STK33: variants seen among roughly 807,000 people sequenced by gnomAD.
The protein encoded by STK33 is serine/threonine-protein kinase 33.
Under a neutral mutation model 58.0 loss-of-function variants are expected in STK33, and 52 were observed. That is an observed-to-expected ratio of 0.90 (90% CI 0.72 to 1.13). The LOEUF is 1.13. Among genes scored for constraint, STK33 ranks in the 50% most tolerant of loss-of-function variants. STK33 has a pLI of 0.00. For missense variants in STK33, 630 were observed against 604.2 expected (o/e 1.04, Z -0.45); for synonymous variants, 215 against 200.1 (o/e 1.07, Z -0.63).
At chr11:8,576,718 G>A (rs1958211920) in intron 1 of STK33, among the ~76,000 whole-genome samples, 1 of 152,122 alleles carries the variant, frequency 6.6e-6, no homozygotes, top group Non-Finnish European at 1.5e-5. Context: ...TACAGATCAT[G>A]AAACAAGACA....
chr11:8,543,563 A>T (rs1955683898), intron 1 of STK33, among the ~76,000 whole-genome samples: 1 of 152,150 alleles, frequency 6.6e-6, no homozygotes, highest in Admixed American at 6.5e-5. Context: ...GAACTCATAG[A>T]TGTAGAAAGT....
In STK33 at chr11:8,486,118, ATCTCCATAC is replaced by A. The variant is rs551867286; in HGVS notation, c.-465-5513_-465-5505del. 1.2e-3 allele frequency among the ~76,000 whole-genome samples: 190 copies of A among 152,170 alleles called. 1 individual carries two copies. In the South Asian group the frequency reaches 0.015, roughly 12 times the overall value. On this transcript the variant is annotated intron_variant, in intron 1 of 15. Transcript: ENST00000687296. The stretch of plus-strand genomic sequence containing the variant: ...AACCTGACTCCAACTAAGCCATCTG[ATCTCCATAC>A]TCTCAAAGCTTTCTCCATACTCTAG...
At chr11:8,536,845 G>GA (rs1955044754) in intron 1 of STK33, among the ~76,000 whole-genome samples, 1 of 145,264 alleles carries the variant, frequency 6.9e-6, no homozygotes. Context: ...ATGGCATGAT[G>GA]ATCATAGCTC....
chr11:8,483,573 T>G (rs1409697798), intron 1 of STK33, among the ~76,000 whole-genome samples: 1 of 151,852 alleles, frequency 6.6e-6, no homozygotes, highest in Non-Finnish European at 1.5e-5. Flanking sequence ...GAACAGAGAG[T>G]GGCCACCAAA....
the STK33 span, among the ~76,000 whole-genome samples, chr11:8,371,236 TG>T: frequency 2.0e-5 from 3 of 151,456 alleles, no homozygotes; most frequent in African/African-American, 7.3e-5. Flanking sequence ...AGATTTAGGG[TG>T]GGCCCCAAAT....
At chr11:8,528,707 T>C (rs1042940326) in intron 1 of STK33, among the ~76,000 whole-genome samples, 8 of 152,254 alleles carry the variant, frequency 5.3e-5, no homozygotes, top group Non-Finnish European at 1.0e-4. Flanking sequence ...TGGCCTTCTG[T>C]GGCCATATCC....
At chr11:8,445,513 G>A (rs910116271) in intron 11 of STK33, among the ~76,000 whole-genome samples, 11 of 152,052 alleles carry the variant, frequency 7.2e-5, no homozygotes, top group Middle Eastern at 3.2e-3. Flanking sequence ...ATTCGCTGTT[G>A]GTGTGTCATA....
intron 1 of STK33, among the ~76,000 whole-genome samples, chr11:8,482,955 T>G (rs912376936): frequency 1.3e-5 from 2 of 151,848 alleles, no homozygotes; most frequent in Non-Finnish European, 2.9e-5. Flanking sequence ...ATGGTTTCGA[T>G]CTCCTGACCT....
intron 1 of STK33, among the ~76,000 whole-genome samples, chr11:8,535,016 T>C (rs1445022096): frequency 1.3e-5 from 2 of 151,698 alleles, no homozygotes; most frequent in East Asian, 1.9e-4. Context: ...GGAGAGAGAG[T>C]ATGGAAAGTC....
chr11:8,530,247 G>A (rs1467584131), intron 1 of STK33, among the ~76,000 whole-genome samples: 1 of 151,988 alleles, frequency 6.6e-6, no homozygotes, highest in Non-Finnish European at 1.5e-5. Context: ...AGGTATTAAG[G>A]AAGGAGGTAT....
At chr11:8,557,286 G>A (rs374120721) in intron 1 of STK33, among the ~76,000 whole-genome samples, 1,373 of 34,296 alleles carry the variant, frequency 0.04, 408 homozygotes, top group African/African-American at 0.15. Context: ...GGAGGGGAGG[G>A]GAGGAGAGAA....
chr11:8,355,873 T>G, the STK33 span, among the ~76,000 whole-genome samples: 1 of 152,144 alleles, frequency 6.6e-6, no homozygotes, highest in African/African-American at 2.4e-5. Context: ...ACCATCACCA[T>G]CACCATCATC....
intron 1 of STK33, among the ~76,000 whole-genome samples, chr11:8,537,005 G>C (rs1955081891): frequency 1.8e-5 from 1 of 57,006 alleles, no homozygotes; most frequent in Non-Finnish European, 3.1e-5. Context: ...TTTTGTGACA[G>C]AGTTTCACTC....
At chr11:8,555,719 T>C (rs567801194) in intron 1 of STK33, among the ~76,000 whole-genome samples, 22 of 152,004 alleles carry the variant, frequency 1.4e-4, no homozygotes, top group Admixed American at 6.6e-4. Flanking sequence ...TTTAATTATC[T>C]TACCACAAAA....
intron 14 of STK33, among the ~76,000 whole-genome samples, chr11:8,415,314 G>A (rs1388349277): frequency 1.3e-5 from 2 of 152,078 alleles, no homozygotes; most frequent in African/African-American, 2.4e-5. Flanking sequence ...AATGCTACTC[G>A]CCCAGCATTT....
chr11:8,465,097 T>G (rs529228671), intron 6 of STK33: 1 of 243,178 alleles, frequency 4.1e-6, no homozygotes, highest in East Asian at 9.8e-5. Context: ...AAAATGAATC[T>G]CTTTCAAACT....
intron 1 of STK33, among the ~76,000 whole-genome samples, chr11:8,485,327 C>G (rs1280292627): frequency 6.6e-6 from 1 of 152,138 alleles, no homozygotes; most frequent in Non-Finnish European, 1.5e-5. Context: ...AAATTATATA[C>G]TTTTACACAG....
chr11:8,346,844 C>CA, the STK33 span, among the ~76,000 whole-genome samples: 1 of 152,162 alleles, frequency 6.6e-6, no homozygotes, highest in African/African-American at 2.4e-5. Context: ...CAGTAAGGTA[C>CA]AGGAAGGCCC....
intron 15 of STK33, among the ~76,000 whole-genome samples, chr11:8,400,674 C>A (rs1349486406): frequency 6.6e-6 from 1 of 152,184 alleles, no homozygotes; most frequent in Non-Finnish European, 1.5e-5. Flanking sequence ...AAGAGGAAGT[C>A]AAATTGTCCC....
Sources: allele counts gnomAD v4.1 joint callset (sites outside exome capture counted in the v4.1 genomes callset), GRCh38; gene constraint gnomAD v4.1.1; transcripts MANE v1.5; gene names NCBI Gene and HGNC (gene_info 2026-07-23, HGNC 2026-07-21).